PSMG2: variants seen among roughly 807,000 people sequenced by gnomAD.
PSMG2 encodes the protein CD40 ligand-activated specific transcript 3.
Under a neutral mutation model 31.5 loss-of-function variants are expected in PSMG2, and 21 were observed. The observed-to-expected ratio is 0.67, with a 90% confidence interval of 0.47 to 0.96. The LOEUF (loss-of-function observed/expected upper bound fraction) is 0.96, where lower values mean the gene tolerates loss of function less well. Ranked by LOEUF, PSMG2 falls within the 40% of genes least tolerant of loss-of-function variation. The probability of loss-of-function intolerance (pLI) is 0.00; values close to 1 mark genes in which losing one functional copy is unlikely to be tolerated. For missense variants in PSMG2, 318 were observed against 321.2 expected, an observed-to-expected ratio of 0.99 and a Z score of 0.08; for synonymous variants, 120 against 110.4, an observed-to-expected ratio of 1.09 and a Z score of -0.54.
rs1460920620 is a variant in PSMG2 at position 12,713,787 on chromosome 18, G to A, written c.288+1027G>A. Among the ~76,000 whole-genome samples, 3 of 149,842 alleles carry A rather than the reference G, an allele frequency of 2.0e-5. No homozygotes were observed. The East Asian group carries it at 5.8e-4, about 29-fold the overall frequency. ...TCTTTCTTTTTTTTTTTTTGAGACA[G>A]TCTCCTCTGATGCCCAGGCTTAAGT... is the stretch of plus-strand genomic sequence containing the variant. On this transcript the variant is annotated intron_variant, in intron 3 of 6. Transcript: ENST00000317615.
chr18:12,664,114 G>A (rs1415518228), intron 1 of PSMG2, among the ~76,000 whole-genome samples: 2 of 152,042 alleles, frequency 1.3e-5, no homozygotes, highest in Non-Finnish European at 2.9e-5. Context: ...GCGGTGAGCC[G>A]AGATCGTGCC....
chr18:12,661,404 A>C, intron 1 of PSMG2: 1 of 972,166 alleles, frequency 1.0e-6, no homozygotes, highest in South Asian at 4.8e-5. Context: ...CCAGCCATTG[A>C]TATCTTCTCA....
intron 1 of PSMG2, chr18:12,679,292 T>C (rs2039261496): frequency 6.6e-6 from 1 of 150,834 alleles, no homozygotes; most frequent in African/African-American, 2.4e-5. Context: ...CTGGGAGGAG[T>C]GCACACTGGG....
intron 1 of PSMG2, among the ~76,000 whole-genome samples, chr18:12,665,845 C>T (rs1460902436): frequency 3.9e-5 from 6 of 152,134 alleles, no homozygotes; most frequent in South Asian, 2.1e-4. Flanking sequence ...TTACAGATCA[C>T]GCCACCACAC....
chr18:12,703,054 C>A lies in PSMG2; in HGVS notation c.-54C>A. 1 of 1,585,906 alleles carries A rather than the reference C, an allele frequency of 6.3e-7. No individual in the cohort carries two copies. ...GTCTCGGGCTTCCGCCTTCTTGCTG[C>A]CCTCGTTCTTGCCAGGGCCGCGGTT... On this transcript the variant is annotated 5_prime_UTR_variant, in exon 1 of 7. Coordinates refer to ENST00000317615, the MANE Select transcript of PSMG2 (RefSeq NM_020232.5).
chr18:12,673,948 C>G (rs749666602), intron 1 of PSMG2, among the ~76,000 whole-genome samples: 6 of 152,096 alleles, frequency 3.9e-5, no homozygotes, highest in Non-Finnish European at 7.4e-5. Flanking sequence ...TAATTTTGGT[C>G]AAGCTATTCA....
upstream of PSMG2, chr18:12,698,848 A>T: frequency 1.5e-6 from 1 of 648,750 alleles, no homozygotes. Flanking sequence ...AATTGAAAAG[A>T]GCAGTGGGAA....
At position 12,668,734 on chromosome 18, in the gene PSMG2, CTTT is replaced by C. The variant is rs543253434; in HGVS notation, c.-37+9981_-37+9983del. Among the ~76,000 whole-genome samples the C allele has an allele frequency of 6.2e-5, 6 of 96,734 alleles. No homozygotes were observed. In the East Asian group the frequency reaches 9.2e-4, roughly 15 times the overall value. 63.5% of individuals were successfully genotyped at this position (96,734 alleles called of 152,430 possible). A position where few individuals can be genotyped will look rare whatever the true frequency, so the allele number is the denominator to read the frequency against. On this transcript the variant is annotated intron_variant, in intron 1 of 6. Coordinates refer to the PSMG2 transcript ENST00000585331. ...CTACCTAGCAAGATACACTTTATTC[CTTT>C]TTTTTTTTTTTTTTTTTTTGAGACA...
In PSMG2 at chr18:12,693,025, T is replaced by C. The variant is rs569023636; in HGVS notation, c.-36-13525T>C. 1.5e-4 allele frequency among the ~76,000 whole-genome samples: 23 copies of C among 152,316 alleles called. No homozygotes were observed. In the South Asian group the frequency reaches 4.8e-3, roughly 32 times the overall value. On this transcript the variant is annotated intron_variant, in intron 1 of 6. Coordinates refer to the PSMG2 transcript ENST00000585331. ...TTTTTGTAGAGATGAAGTCTACCTATGTTGCCCAGGCTGGTCTTGAACTCC... is the reference window on the plus strand; with the variant it reads ...TTTTTGTAGAGATGAAGTCTACCTACGTTGCCCAGGCTGGTCTTGAACTCC...
intron 1 of PSMG2, among the ~76,000 whole-genome samples, chr18:12,663,275 G>C (rs2038736051): frequency 6.6e-6 from 1 of 152,046 alleles, no homozygotes; most frequent in East Asian, 1.9e-4. Flanking sequence ...ACAAAATAAG[G>C]CCCAAAAATA....
chr18:12,677,059 C>T (rs956475759), intron 1 of PSMG2, among the ~76,000 whole-genome samples: 5 of 152,162 alleles, frequency 3.3e-5, no homozygotes, highest in Admixed American at 3.3e-4. Flanking sequence ...TCTTGATGAG[C>T]TTAAGTCTTT....
chr18:12,704,057 T>G (rs12964507), intron 1 of PSMG2, among the ~76,000 whole-genome samples: 1 of 151,892 alleles, frequency 6.6e-6, no homozygotes, highest in African/African-American at 2.4e-5. Flanking sequence ...TCATTACATA[T>G]AAAACACACA....
In PSMG2 at chr18:12,686,168, G is replaced by A. The variant is rs532786690; in HGVS notation, c.-36-20382G>A. ...TGTGGGTACAGAGGGTTGACTATATGTGCATTTTTCTAAGGCATTCTTTTA... is the reference window on the plus strand; with the variant it reads ...TGTGGGTACAGAGGGTTGACTATATATGCATTTTTCTAAGGCATTCTTTTA... On this transcript the variant is annotated intron_variant, in intron 1 of 6. Transcript: ENST00000585331. 61 of 977,102 alleles carry A rather than the reference G, an allele frequency of 6.2e-5. No individual in the cohort carries two copies. The African/African-American group carries it at 9.3e-4, about 15-fold the overall frequency. 60.5% of individuals were successfully genotyped at this position (977,102 alleles called of 1,614,324 possible). A position where few individuals can be genotyped will look rare whatever the true frequency, so the allele number is the denominator to read the frequency against.
At chr18:12,668,809 C>G (rs62095975) in intron 1 of PSMG2, among the ~76,000 whole-genome samples, 2 of 136,608 alleles carry the variant, frequency 1.5e-5, no homozygotes, top group African/African-American at 5.5e-5. Context: ...AGAGCAATCT[C>G]GGCTCACTGC....
In PSMG2 at chr18:12,703,122, C is replaced by T; in HGVS notation, c.15C>T (p.Cys5=). 6.2e-7 allele frequency: 1 copy of T among 1,612,486 alleles called. No homozygotes were observed. Among genetic ancestry groups the T allele is most frequent in the Non-Finnish European group, 8.5e-7 (1 of 1,179,594 alleles). The change falls in exon 1 of 7, where the codon TGC becomes TGT. Residue 5 remains cysteine, a synonymous_variant. Transcript: ENST00000317615. ...CCACTGCGACCATGTTCGTTCCCTG[C>T]GGGGAGTCGGCCCCCGACCTTGCCG... MFVP[C]GESAPDLAGF...
chr18:12,720,087 C>G (rs2040416547), intron 4 of PSMG2, among the ~76,000 whole-genome samples: 1 of 152,068 alleles, frequency 6.6e-6, no homozygotes, highest in South Asian at 2.1e-4. Flanking sequence ...CACTCTGTCA[C>G]CCAGGCTGGA....
chr18:12,693,760 C>T (rs189974876), intron 1 of PSMG2, among the ~76,000 whole-genome samples: 3 of 152,144 alleles, frequency 2.0e-5, no homozygotes, highest in Admixed American at 6.5e-5. Flanking sequence ...TCCAACCTGG[C>T]GACAGAGCGA....
intron 1 of PSMG2, among the ~76,000 whole-genome samples, chr18:12,660,162 G>C (rs559358310): frequency 1.1e-4 from 17 of 152,210 alleles, no homozygotes; most frequent in Admixed American, 5.2e-4. Context: ...AGGAATCTAT[G>C]AGCCATTAAC....
At chr18:12,699,196 A>G (rs1285440057), upstream of PSMG2, 1 of 1,609,810 alleles carries the variant, frequency 6.2e-7, no homozygotes, top group Non-Finnish European at 8.5e-7. Context: ...GTGTTGGATC[A>G]ATATTAGCTG....
Sources: gnomAD v4.1 joint callset for allele counts (sites outside exome capture counted in the v4.1 genomes callset) on GRCh38, gnomAD v4.1.1 for gene constraint, MANE v1.5 for transcripts, NCBI Gene and HGNC (gene_info 2026-07-23, HGNC 2026-07-21) for gene names.